Variants in VPS13B observed in about 807,000 individuals in gnomAD.
VPS13B encodes the protein intermembrane lipid transfer protein VPS13B.
VPS13B carries 285 observed loss-of-function variants against 426.4 expected under a neutral mutation model. That is an observed-to-expected ratio of 0.67 (90% CI 0.61 to 0.74). The LOEUF is 0.74. VPS13B is among the 30% of genes least tolerant of loss of function. The pLI, the probability that VPS13B is intolerant of heterozygous loss-of-function variation, is 0.00. For synonymous variants in VPS13B, 1,676 were observed against 1,676.4 expected (o/e 1.00, Z 0.01); for missense variants, 4,537 against 4,782.6 (o/e 0.95, Z 1.51).
intron 50 of VPS13B, among the ~76,000 whole-genome samples, chr8:99,822,554 C>A (rs1173175005): frequency 6.6e-6 from 1 of 152,184 alleles, no homozygotes. Context: ...TCAGTCAACA[C>A]CCAATACCTC....
intron 21 of VPS13B, among the ~76,000 whole-genome samples, chr8:99,425,324 C>A (rs1248673450): frequency 6.6e-6 from 1 of 152,174 alleles, no homozygotes; most frequent in Non-Finnish European, 1.5e-5. Context: ...CAATAAAATA[C>A]TGACAAACCA....
At chr8:99,606,394 A>G (rs1006748137) in intron 33 of VPS13B, among the ~76,000 whole-genome samples, 23 of 151,838 alleles carry the variant, frequency 1.5e-4, no homozygotes, top group African/African-American at 5.5e-4. Flanking sequence ...GAATCTGGAT[A>G]TCAAGCCAGA....
intron 30 of VPS13B, among the ~76,000 whole-genome samples, chr8:99,544,207 G>A (rs1459403851): frequency 5.3e-5 from 8 of 151,970 alleles, no homozygotes; most frequent in East Asian, 3.9e-4. Flanking sequence ...GTAGACTATC[G>A]CAAGAACAAA....
chr8:99,363,407 G>C (rs1000958496), intron 19 of VPS13B, among the ~76,000 whole-genome samples: 1 of 152,056 alleles, frequency 6.6e-6, no homozygotes, highest in Non-Finnish European at 1.5e-5. Flanking sequence ...ATGAGGTAAT[G>C]TTCAATTTTT....
intron 21 of VPS13B, 93 bp from the exon 22 acceptor site, chr8:99,431,444 C>G (rs912096665): frequency 2.7e-6 from 4 of 1,456,536 alleles, no homozygotes; most frequent in East Asian, 2.3e-5. Flanking sequence ...TAATTTTAAG[C>G]AAGGAAAGAA....
At chr8:99,297,500 CATT>C (rs1820108801) in intron 19 of VPS13B, among the ~76,000 whole-genome samples, 1 of 151,174 alleles carries the variant, frequency 6.6e-6, no homozygotes, top group Non-Finnish European at 1.5e-5. Flanking sequence ...AATAAGACAT[CATT>C]ACTTCATATT....
chr8:99,095,947 G>C (rs542627796), intron 3 of VPS13B, among the ~76,000 whole-genome samples: 1 of 152,168 alleles, frequency 6.6e-6, no homozygotes, highest in East Asian at 1.9e-4. Context: ...GAAAAATTAA[G>C]AACCTTTTTA....
At chr8:99,158,645 C>A (rs1038887328) in intron 15 of VPS13B, among the ~76,000 whole-genome samples, 1 of 152,220 alleles carries the variant, frequency 6.6e-6, no homozygotes, top group East Asian at 1.9e-4. Flanking sequence ...ACTGCTCATG[C>A]TCTATAAATG....
At chr8:99,712,792 A>G (rs994661252) in intron 36 of VPS13B, among the ~76,000 whole-genome samples, 1 of 150,756 alleles carries the variant, frequency 6.6e-6, no homozygotes, top group African/African-American at 2.4e-5. Flanking sequence ...TTTGTGTAAT[A>G]GTAGGAAAGT....
intron 17 of VPS13B, among the ~76,000 whole-genome samples, chr8:99,218,637 G>A (rs984140022): frequency 5.3e-5 from 8 of 152,186 alleles, no homozygotes; most frequent in Non-Finnish European, 1.2e-4. Flanking sequence ...TGCCATTGTC[G>A]TCTGGCACAT....
chr8:99,461,343 T>G (rs748816061), intron 23 of VPS13B, among the ~76,000 whole-genome samples: 3 of 152,188 alleles, frequency 2.0e-5, no homozygotes, highest in Non-Finnish European at 4.4e-5. Flanking sequence ...CACAAATGTA[T>G]GATTACATAC....
In VPS13B at chr8:99,875,441, G is replaced by C. The variant is rs750806587; in HGVS notation, c.11769G>C (p.Leu3923=). 2.5e-6 allele frequency: 4 copies of C among 1,614,160 alleles called. No homozygotes were observed. In the South Asian group the frequency reaches 4.4e-5, roughly 18 times the overall value. ...AGGTAGATGGAGTCCGAGAGAGACTGTCAGAGCAACAGTACAACAGACTGG... is the reference window on the plus strand; with the variant it reads ...AGGTAGATGGAGTCCGAGAGAGACTCTCAGAGCAACAGTACAACAGACTGG... The part of the protein sequence containing the change: ...DVEVDGVRER[L]SEQQYNRLVD... The change falls in exon 62 of 62, where the codon CTG becomes CTC. Residue 3923 remains leucine, a synonymous_variant. Transcript: ENST00000357162.
At chr8:99,518,312 G>A (rs936410530) in intron 29 of VPS13B, among the ~76,000 whole-genome samples, 2 of 152,166 alleles carry the variant, frequency 1.3e-5, no homozygotes, top group African/African-American at 4.8e-5. Context: ...TGCTTAATCA[G>A]AGGTTTTACC....
chr8:99,069,084 GT>G (rs1844711831), intron 3 of VPS13B, among the ~76,000 whole-genome samples: 2 of 152,112 alleles, frequency 1.3e-5, no homozygotes, highest in Non-Finnish European at 2.9e-5. Flanking sequence ...GAATTTGCAT[GT>G]TGGTAATTGC....
rs558952390 is a variant in VPS13B, at chr8:99,835,445, C to A, written c.9743-94C>A. 2.6e-5 allele frequency: 40 copies of A among 1,514,324 alleles called. No individual in the cohort carries two copies. The African/African-American group carries it at 4.5e-4, about 17-fold the overall frequency. The allele number at this position is 1,514,324 out of a possible 1,614,324, so 93.8% of individuals were successfully genotyped here. A position where few individuals can be genotyped will look rare whatever the true frequency, so the allele number is the denominator to read the frequency against. On this transcript the variant is annotated intron_variant, in intron 53 of 61. Coordinates refer to ENST00000357162, the MANE Select transcript of VPS13B (RefSeq NM_152564.5). ...ATTTAAATAAAAGCATTAATGATCT[C>A]TTTTTGAGAAGTTTCTTTTGCCACA...
At chr8:99,199,190 A>G (rs985512445) in intron 17 of VPS13B, among the ~76,000 whole-genome samples, 4 of 152,050 alleles carry the variant, frequency 2.6e-5, no homozygotes, top group Middle Eastern at 3.2e-3. Context: ...ATCATTATAT[A>G]TATTTTTTTG....
chr8:99,204,338 C>T (rs1814550231), intron 17 of VPS13B, among the ~76,000 whole-genome samples: 1 of 152,176 alleles, frequency 6.6e-6, no homozygotes, highest in Non-Finnish European at 1.5e-5. Context: ...CCATTCCTTA[C>T]ATCTTATACA....
chr8:99,588,361 A>C (rs563316811), intron 33 of VPS13B, among the ~76,000 whole-genome samples: 1 of 151,880 alleles, frequency 6.6e-6, no homozygotes, highest in South Asian at 2.1e-4. Context: ...GAAGAAAGTC[A>C]TTGGTAGCTT....
chr8:99,153,190 A>T (rs531566305), intron 14 of VPS13B, among the ~76,000 whole-genome samples: 6 of 152,168 alleles, frequency 3.9e-5, no homozygotes, highest in Non-Finnish European at 5.9e-5. Flanking sequence ...CATAAGAAAA[A>T]TTTTTTTAAA....
Sources: gnomAD v4.1 joint callset for allele counts (sites outside exome capture counted in the v4.1 genomes callset) on GRCh38, gnomAD v4.1.1 for gene constraint, MANE v1.5 for transcripts, NCBI Gene and HGNC (gene_info 2026-07-23, HGNC 2026-07-21) for gene names.